The following ABCC6 variants were observed in gnomAD, a reference collection of about 807,000 sequenced individuals.
The protein encoded by ABCC6 is ATP-binding cassette sub-family C member 6.
In ABCC6, 126 loss-of-function variants were observed where a neutral mutation model predicts 169.5. The ratio of observed to expected loss-of-function variants is 0.74; its 90% CI spans 0.64 to 0.86. The LOEUF (loss-of-function observed/expected upper bound fraction) is 0.86. Ranked by LOEUF, ABCC6 falls within the 40% of genes least tolerant of loss-of-function variation. The probability of loss-of-function intolerance (pLI) is 0.00; values close to 1 mark genes in which losing one functional copy is unlikely to be tolerated. For missense variants in ABCC6, 1,733 were observed against 1,927.2 expected, an observed-to-expected ratio of 0.90 and a Z score of 1.89; for synonymous variants, 752 against 814.7, an observed-to-expected ratio of 0.92 and a Z score of 1.31.
chr16:16,203,419 T>G lies in ABCC6; in HGVS notation c.989A>C (p.Lys330Thr), dbSNP rs1444311439. The G allele has an allele frequency of 3.7e-6, 6 of 1,613,890 alleles. No homozygotes were observed. Among genetic ancestry groups the G allele is most frequent in the Non-Finnish European group, 4.2e-6 (5 of 1,179,846 alleles). The stretch of plus-strand genomic sequence containing the variant: ...GAGGTCTGGGACTCACCTGAGCAGC[T>G]TGGGGACAGTGAACCTGAAGACATC... Reference protein sequence around the residue: ...ISDVFRFTVPKLLSLFLEFIG... With the variant: ...ISDVFRFTVPTLLSLFLEFIG... Residue 330 changes from lysine to threonine, a missense_variant, in exon 8 of 31, where the codon AAG becomes ACG. Lys to Thr is a moderately conservative substitution (Grantham distance 78, BLOSUM62 -1). This residue lies in a region of ABCC6 where 1,601 missense variants were observed against 1,635.5 expected (regional missense o/e 0.98). Transcript: ENST00000205557.
chr16:16,157,568 CTG>C, intron 27 of ABCC6, 93 bp downstream of exon 27: 1 of 1,522,906 alleles, frequency 6.6e-7, no homozygotes, highest in East Asian at 2.3e-5. Flanking sequence ...GGTGGGGACA[CTG>C]TGGAGGTGGC....
At chr16:16,160,142 T>G (rs2046669482) in intron 25 of ABCC6, among the ~76,000 whole-genome samples, 1 of 152,106 alleles carries the variant, frequency 6.6e-6, no homozygotes, top group South Asian at 2.1e-4. Flanking sequence ...CTCCCAGGCC[T>G]TTTCTTCCTG....
Position 16,173,863 on chromosome 16 carries a change from G to A in ABCC6, c.2667-459C>T, listed in dbSNP as rs368176429. On this transcript the variant is annotated intron_variant, in intron 20 of 30. Transcript: ENST00000205557. ...AATTTTTATTTTGGCTTAAGCTTTC[G>A]TGCAATTGTTTTGTTCCTACTGTAT... Among the ~76,000 whole-genome samples, 20 of 152,068 alleles carry A rather than the reference G, an allele frequency of 1.3e-4. No individual in the cohort carries two copies. The East Asian group carries it at 2.7e-3, about 21-fold the overall frequency.
chr16:16,175,858 C>T, intron 20 of ABCC6, 53 bp downstream of exon 20: 2 of 1,604,432 alleles, frequency 1.2e-6, no homozygotes, highest in Non-Finnish European at 8.5e-7. Flanking sequence ...GTCCCTTCAG[C>T]TACTTCAGCT....
chr16:16,214,211 T>C lies in ABCC6; in HGVS notation c.600+113A>G, dbSNP rs761695359. On this transcript the variant is annotated intron_variant, in intron 5 of 30. Transcript: ENST00000205557. ...ACTGTGGCATCGAGTAGAAATGTGG[T>C]ACACTTTTTGCTGAATGGCTAAATG... The C allele has an allele frequency of 3.2e-6, 5 of 1,544,944 alleles. No homozygotes were observed. In the African/African-American group the frequency reaches 4.1e-5, roughly 13 times the overall value.
intron 13 of ABCC6, 95 bp downstream of exon 13, chr16:16,188,736 C>T: frequency 1.3e-6 from 2 of 1,492,960 alleles, no homozygotes; most frequent in South Asian, 1.2e-5. Context: ...ACTCTGTCTT[C>T]CCTCTCCTCT....
At chr16:16,207,351 GA>G (rs1212385669) in intron 7 of ABCC6, among the ~76,000 whole-genome samples, 2 of 152,236 alleles carry the variant, frequency 1.3e-5, no homozygotes, top group Non-Finnish European at 2.9e-5. Context: ...TTACTATATG[GA>G]CGTTAGGAGA....
At chr16:16,170,160 G>A (rs8057956) in intron 21 of ABCC6, among the ~76,000 whole-genome samples, 6,309 of 151,494 alleles carry the variant, frequency 0.042, 389 homozygotes, top group African/African-American at 0.13. Context: ...GAGTACACTG[G>A]CATGATCATG....
chr16:16,154,898 C>G lies in ABCC6; in HGVS notation c.4016G>C (p.Arg1339Pro), dbSNP rs63750622. Reference protein sequence around the residue: ...PIAHVGLHTLRSRISIIPQDP... With the variant: ...PIAHVGLHTLPSRISIIPQDP... Reference sequence around the variant, plus strand: ...CTGGGGGATGATGCTGATCCTGGAGCGCAGTGTGTGCAGCCCCACGTGGGC... The same window carrying G: ...CTGGGGGATGATGCTGATCCTGGAGGGCAGTGTGTGCAGCCCCACGTGGGC... Residue 1339 changes from arginine (R) to proline (P), a missense_variant, in exon 28 of 31, where the codon CGC becomes CCC. Coordinates refer to ENST00000205557, the MANE Select transcript of ABCC6 (RefSeq NM_001171.6). 1.2e-6 allele frequency: 2 copies of G among 1,612,084 alleles called. No homozygotes were observed. The highest frequency in any genetic ancestry group is 2.2e-5 in the South Asian group (2 of 90,584).
At chr16:16,197,950 G>T (rs1277578767) in intron 10 of ABCC6, 71 bp downstream of exon 10, 16 of 1,487,408 alleles carry the variant, frequency 1.1e-5, no homozygotes, top group Non-Finnish European at 1.5e-5. Flanking sequence ...AGGGTGGGAG[G>T]GGGAAGGAGG....
intron 29 of ABCC6, among the ~76,000 whole-genome samples, chr16:16,153,919 A>G (rs972215401): frequency 1.3e-5 from 2 of 151,808 alleles, no homozygotes; most frequent in East Asian, 1.9e-4. Context: ...AAAAAGAAAA[A>G]AAAAAAAAAA....
chr16:16,185,687 AG>A (rs2047636252), intron 14 of ABCC6, among the ~76,000 whole-genome samples: 1 of 152,202 alleles, frequency 6.6e-6, no homozygotes, highest in Non-Finnish European at 1.5e-5. Context: ...TGAGAGGCTA[AG>A]GCAGGAGAAT....
At chr16:16,193,186 G>A (rs866601284) in intron 10 of ABCC6, among the ~76,000 whole-genome samples, 4 of 152,156 alleles carry the variant, frequency 2.6e-5, no homozygotes, top group Non-Finnish European at 5.9e-5. Context: ...AGATGGCTAC[G>A]AGAGTGACCT....
chr16:16,197,599 GGAA>G (rs983897525), intron 10 of ABCC6, among the ~76,000 whole-genome samples: 1 of 149,034 alleles, frequency 6.7e-6, no homozygotes, highest in Admixed American at 6.7e-5. Context: ...GCAGGAGAGA[GGAA>G]GAGGAGGAGG....
At chr16:16,175,717 G>A (rs1411206421) in intron 20 of ABCC6, among the ~76,000 whole-genome samples, 194 bp downstream of exon 20, 3 of 152,204 alleles carry the variant, frequency 2.0e-5, no homozygotes, top group Admixed American at 6.5e-5. Context: ...CCTTATAGGG[G>A]CCTAATCATC....
chr16:16,166,578 C>T (rs978513990), intron 22 of ABCC6, among the ~76,000 whole-genome samples: 4 of 151,700 alleles, frequency 2.6e-5, no homozygotes, highest in Admixed American at 1.3e-4. Flanking sequence ...GGCGTATTCT[C>T]CATCAGAACC....
chr16:16,182,233 A>G (rs1179286127), intron 17 of ABCC6, among the ~76,000 whole-genome samples, 179 bp downstream of exon 17: 3 of 152,098 alleles, frequency 2.0e-5, no homozygotes, highest in African/African-American at 4.8e-5. Context: ...CTGCTTATCA[A>G]TTAGTGATTA....
intron 10 of ABCC6, among the ~76,000 whole-genome samples, chr16:16,197,503 A>T (rs547607821): frequency 6.6e-6 from 1 of 150,452 alleles, no homozygotes; most frequent in East Asian, 2.0e-4. Context: ...CAGAGGGAAG[A>T]GAGGGAGGAC....
Position 16,157,787 on chromosome 16 carries a change from C to T in ABCC6, c.3758G>A (p.Cys1253Tyr), listed in dbSNP as rs2046598633. The T allele has an allele frequency of 3.7e-6, 6 of 1,612,742 alleles. No homozygotes were observed. Among genetic ancestry groups the T allele is most frequent in the Non-Finnish European group, 5.1e-6 (6 of 1,179,984 alleles). Residue 1253 changes from cysteine to tyrosine, a missense_variant, in exon 27 of 31, where the codon TGT becomes TAT. Physicochemically the swap from Cys to Tyr is radical, Grantham distance 194. Coordinates refer to ENST00000205557, the MANE Select transcript of ABCC6 (RefSeq NM_001171.6). ...PKEAPWRLPT[C>Y]AAQPPWPQGG... Reference sequence around the variant, plus strand: ...CTGAGGCCAGGGGGGCTGAGCTGCACATGTGGGCAGCCTCCAGGGAGCCTG... The same window carrying T: ...CTGAGGCCAGGGGGGCTGAGCTGCATATGTGGGCAGCCTCCAGGGAGCCTG...
Sources: allele counts gnomAD v4.1 joint callset (sites outside exome capture counted in the v4.1 genomes callset), GRCh38; gene constraint gnomAD v4.1.1; regional missense constraint gnomAD v4.1.1; transcripts MANE v1.5; gene names NCBI Gene and HGNC (gene_info 2026-07-23, HGNC 2026-07-21).